Variants in SLC35E1 observed in about 807,000 individuals in gnomAD.
The protein encoded by SLC35E1 is solute carrier family 35, member E1.
In SLC35E1, 12 loss-of-function variants were observed where a neutral mutation model predicts 31.0. The observed-to-expected ratio is 0.39, with a 90% CI of 0.25 to 0.63. The LOEUF is 0.63. SLC35E1 is among the 20% of genes least tolerant of loss of function. The pLI is 0.52. For missense variants in SLC35E1, 429 were observed against 572.2 expected, an observed-to-expected ratio of 0.75 and a Z score of 2.55; for synonymous variants, 257 against 264.1, an observed-to-expected ratio of 0.97 and a Z score of 0.26.
At chr19:16,556,194 C>G (rs1032751869) in intron 4 of SLC35E1, among the ~76,000 whole-genome samples, 1 of 151,920 alleles carries the variant, frequency 6.6e-6, no homozygotes, top group Non-Finnish European at 1.5e-5. Context: ...GCCAGGGCAA[C>G]AGAGCGAGAC....
At chr19:16,560,509 C>T (rs369179917) in intron 4 of SLC35E1, among the ~76,000 whole-genome samples, 3 of 151,926 alleles carry the variant, frequency 2.0e-5, no homozygotes, top group South Asian at 2.1e-4. Flanking sequence ...CTGCCACCAA[C>T]GTAGGATTGT....
chr19:16,565,575 T>C lies in SLC35E1; in HGVS notation c.756+957A>G, dbSNP rs141132809. ...CTCTGTCACCCAGGCTGGAGTGCAG[T>C]GGCACCATCTCGGCTCACTGCAACC... On this transcript the variant is annotated intron_variant, in intron 4 of 5. Transcript: ENST00000595753. 427 of 159,458 alleles carry C rather than the reference T, an allele frequency of 2.7e-3. 3 individuals are homozygous for C. The highest frequency in any genetic ancestry group is 1.0e-2 in the African/African-American group (413 of 41,328). The allele number at this position is 159,458 out of a possible 1,614,324, so 9.9% of individuals were successfully genotyped here. A position where few individuals can be genotyped will look rare whatever the true frequency, so the allele number is the denominator to read the frequency against.
At chr19:16,556,865 C>T (rs2085877485) in intron 4 of SLC35E1, 4 of 471,186 alleles carry the variant, frequency 8.5e-6, no homozygotes, top group African/African-American at 2.0e-5. Flanking sequence ...CACGCTTAGG[C>T]GACCAGCTCA....
chr19:16,572,394 G>C lies in SLC35E1; in HGVS notation c.-30C>G. 1 of 992,726 alleles carries C rather than the reference G, an allele frequency of 1.0e-6. No individual in the cohort carries two copies. Among genetic ancestry groups the C allele is most frequent in the Non-Finnish European group, 1.2e-6 (1 of 834,896 alleles). The allele number at this position is 992,726 out of a possible 1,614,324, so 61.5% of individuals were successfully genotyped here. A position where few individuals can be genotyped will look rare whatever the true frequency, so the allele number is the denominator to read the frequency against. On this transcript the variant is annotated 5_prime_UTR_variant, in exon 1 of 6. Transcript: ENST00000595753. The surrounding 1 kb of genome is among the most constrained non-coding windows in gnomAD (Gnocchi z 4.1). Reference sequence around the variant, plus strand: ...CCCGAGCGGCCGCCCCTTCCAGCCCGTCCGACGGCCCGACGCCGGGCGGGG... The same window carrying C: ...CCCGAGCGGCCGCCCCTTCCAGCCCCTCCGACGGCCCGACGCCGGGCGGGG...
In SLC35E1 at chr19:16,555,016, C is replaced by T; in HGVS notation, c.1002+136G>A. On this transcript the variant is annotated intron_variant, in intron 5 of 5. Coordinates refer to ENST00000595753, the MANE Select transcript of SLC35E1 (RefSeq NM_024881.5). This position sits in a 1 kb window ranked among gnomAD's most constrained non-coding sequence, Gnocchi z 4.1. ...AAGCCAGAGTGGGATGGGGCTACGC[C>T]AAGATCATAAACCAGTCAGTGGCAA... 3 of 1,316,202 alleles carry T rather than the reference C, an allele frequency of 2.3e-6. No homozygotes were observed. The allele number at this position is 1,316,202 out of a possible 1,614,324, so 81.5% of individuals were successfully genotyped here.
Position 16,555,353 on chromosome 19 carries a change from G to A in SLC35E1, c.801C>T (p.Val267=), listed in dbSNP as rs1325095976. The A allele has an allele frequency of 6.8e-6, 11 of 1,614,098 alleles. No individual in the cohort carries two copies. Among genetic ancestry groups the A allele is most frequent in the Non-Finnish European group, 9.3e-6 (11 of 1,180,032 alleles). The part of the protein sequence containing the change: ...QWPWTLLLLA[V]SGFCNFAQNV... ...TCTGGGCAAAGTTACAGAAGCCGCT[G>A]ACAGCCAGGAGCAGGAGCGTCCAGG... Residue 267 remains valine, a synonymous_variant, in exon 5 of 6, where the codon GTC becomes GTT. Coordinates refer to ENST00000595753, the MANE Select transcript of SLC35E1 (RefSeq NM_024881.5). This position sits in a 1 kb window ranked among gnomAD's most constrained non-coding sequence, Gnocchi z 4.1.
chr19:16,555,034 A>G lies in SLC35E1; in HGVS notation c.1002+118T>C. ...GCTACGCCAAGATCATAAACCAGTCAGTGGCAAAGCTCTGACATACAACCC... is the reference window on the plus strand; with the variant it reads ...GCTACGCCAAGATCATAAACCAGTCGGTGGCAAAGCTCTGACATACAACCC... On this transcript the variant is annotated intron_variant, in intron 5 of 5. Transcript: ENST00000595753. The surrounding 1 kb of genome is among the most constrained non-coding windows in gnomAD (Gnocchi z 4.1). 7.1e-7 allele frequency: 1 copy of G among 1,412,524 alleles called. No individual in the cohort carries two copies. Among genetic ancestry groups the G allele is most frequent in the Non-Finnish European group, 9.5e-7 (1 of 1,054,900 alleles). 87.5% of individuals were successfully genotyped at this position (1,412,524 alleles called of 1,614,324 possible).
At chr19:16,561,946 G>C (rs967022689) in intron 4 of SLC35E1, among the ~76,000 whole-genome samples, 6 of 152,114 alleles carry the variant, frequency 3.9e-5, no homozygotes, top group African/African-American at 1.4e-4. Context: ...CCAGCACTTT[G>C]AGAGGCCAAG....
In SLC35E1 at chr19:16,572,134, C is replaced by A; in HGVS notation, c.231G>T (p.Leu77=). 6.6e-7 allele frequency: 1 copy of A among 1,511,220 alleles called. No individual in the cohort carries two copies. Among genetic ancestry groups the A allele is most frequent in the Non-Finnish European group, 8.8e-7 (1 of 1,130,372 alleles). The allele number at this position is 1,511,220 out of a possible 1,614,324, so 93.6% of individuals were successfully genotyped here. A position where few individuals can be genotyped will look rare whatever the true frequency, so the allele number is the denominator to read the frequency against. The change falls in exon 1 of 6, where the codon CTG becomes CTT. Residue 77 remains leucine (L), a synonymous_variant. Transcript: ENST00000595753. This position sits in a 1 kb window ranked among gnomAD's most constrained non-coding sequence, Gnocchi z 4.1. ...GCGCGGGGGGCACGCGCCAGGCGCG[C>A]AGCAGCGGCGGGAGCCCAGCGCACA... ...LALCAGLPPL[L]RAWRVPPAPP... is the part of the protein sequence containing the mutation.
At position 16,566,415 on chromosome 19, in the gene SLC35E1, G is replaced by C. The variant is rs2085932617; in HGVS notation, c.756+117C>G. 3.6e-6 allele frequency: 5 copies of C among 1,404,098 alleles called. No homozygotes were observed. In the East Asian group the frequency reaches 1.2e-4, roughly 34 times the overall value. The allele number at this position is 1,404,098 out of a possible 1,614,324, so 87.0% of individuals were successfully genotyped here. ...CAGAGGACTGACTGCTGAAAGCGCT[G>C]GCTGTCAGGTGCCCAAAAGATACCA... On this transcript the variant is annotated intron_variant, in intron 4 of 5. Transcript: ENST00000595753.
rs749260441 is a variant in SLC35E1 at position 16,553,687 on chromosome 19, C to G, written c.1225G>C (p.Asp409His). 1 of 1,559,508 alleles carries G rather than the reference C, an allele frequency of 6.4e-7. No homozygotes were observed. The highest frequency in any genetic ancestry group is 8.7e-7 in the Non-Finnish European group (1 of 1,147,474). Residue 409 changes from aspartate (D) to histidine (H), a missense_variant, in exon 6 of 6, where the codon GAT (aspartate) becomes CAT (histidine). Asp to His is a moderately conservative substitution (Grantham distance 81). Transcript: ENST00000595753. ...GTCCTGTCCTTTGGACTCTACACAT[C>G]ATAGCGGTTCAAACTGTACGAGTTT... ...YPNSYSLNRY[D>H]V
chr19:16,559,719 A>T (rs1319801826), intron 4 of SLC35E1, among the ~76,000 whole-genome samples: 1 of 152,112 alleles, frequency 6.6e-6, no homozygotes, highest in Non-Finnish European at 1.5e-5. Context: ...TTGTCTCCAG[A>T]GTCTTTACTT....
chr19:16,560,881 C>CAAAAAAA (rs1304202019), intron 4 of SLC35E1, among the ~76,000 whole-genome samples: 1 of 68,056 alleles, frequency 1.5e-5, no homozygotes, highest in Non-Finnish European at 2.9e-5. Flanking sequence ...AAAAAAAAAC[C>CAAAAAAA]AAAAAAAAAA....
intron 4 of SLC35E1, among the ~76,000 whole-genome samples, chr19:16,557,326 C>T (rs914485380): frequency 4.0e-5 from 6 of 151,226 alleles, no homozygotes; most frequent in African/African-American, 7.3e-5. Flanking sequence ...CCCGAGTAGC[C>T]GGGACTACAG....
chr19:16,560,781 G>C (rs1349685652), intron 4 of SLC35E1, among the ~76,000 whole-genome samples: 2 of 142,478 alleles, frequency 1.4e-5, no homozygotes, highest in South Asian at 2.3e-4. Context: ...AGAATCACTT[G>C]AACCTGGGAG....
intron 4 of SLC35E1, among the ~76,000 whole-genome samples, chr19:16,557,980 A>T (rs1046099990): frequency 6.6e-6 from 1 of 151,586 alleles, no homozygotes; most frequent in African/African-American, 2.4e-5. Flanking sequence ...TGCCCGGCTA[A>T]TTGTTGTATT....
rs2085961305 is a variant in SLC35E1 at position 16,571,930 on chromosome 19, G to A, written c.421+14C>T. On this transcript the variant is annotated intron_variant, in intron 1 of 5. Transcript: ENST00000595753. ...GGCCCGGCCGCCGCCCCCGAGGCCG[G>A]GCGCGGAACCTACCGGTGTGTGCAT... 2.7e-5 allele frequency: 42 copies of A among 1,536,394 alleles called. No homozygotes were observed. Among genetic ancestry groups the A allele is most frequent in the Non-Finnish European group, 3.6e-5 (41 of 1,140,882 alleles).
In SLC35E1 at chr19:16,571,529, C is replaced by T; in HGVS notation, c.475G>A (p.Glu159Lys). The change falls in exon 2 of 6, where the codon GAG becomes AAG. Residue 159 changes from glutamate to lysine, a missense_variant. Glu to Lys is a moderately conservative substitution (Grantham distance 56). Coordinates refer to ENST00000595753, the MANE Select transcript of SLC35E1 (RefSeq NM_024881.5). ...VVLLSRIIMK[E>K]KQSTKVYLSL... is the part of the protein sequence containing the mutation. ...GGGGTTACCTTGGTGCTCTGCTTCT[C>T]CTTCATAATGATCCGGGACAGGAGG... 1 of 1,613,998 alleles carries T rather than the reference C, an allele frequency of 6.2e-7. No individual in the cohort carries two copies. The highest frequency in any genetic ancestry group is 8.5e-7 in the Non-Finnish European group (1 of 1,179,958).
chr19:16,560,886 A>G (rs111957737), intron 4 of SLC35E1, among the ~76,000 whole-genome samples: 10 of 138,880 alleles, frequency 7.2e-5, no homozygotes, highest in East Asian at 2.1e-4. Context: ...AAAACCAAAA[A>G]AAAAAAAAAA....
Sources: gnomAD v4.1 joint callset for allele counts (sites outside exome capture counted in the v4.1 genomes callset) on GRCh38, gnomAD v4.1.1 for gene constraint, Gnocchi (gnomAD v3.1) non-coding constraint, MANE v1.5 for transcripts, NCBI Gene and HGNC (gene_info 2026-07-23, HGNC 2026-07-21) for gene names.